The following ATP6V0A4 variants were observed in gnomAD, a reference collection of about 807,000 sequenced individuals.
The protein encoded by ATP6V0A4 is V-type proton ATPase 116 kDa subunit a 4.
ATP6V0A4 carries 86 observed loss-of-function variants against 107.3 expected under a neutral mutation model. The ratio of observed to expected loss-of-function variants is 0.80; its 90% CI spans 0.67 to 0.96. The LOEUF (loss-of-function observed/expected upper bound fraction) is 0.96, where lower values mean the gene tolerates loss of function less well. Ranked by LOEUF, ATP6V0A4 falls within the 40% of genes least tolerant of loss-of-function variation. The pLI is 0.00. For synonymous variants in ATP6V0A4, 353 were observed against 381.4 expected, an observed-to-expected ratio of 0.93 and a Z score of 0.87; for missense variants, 908 against 1,045.6, an observed-to-expected ratio of 0.87 and a Z score of 1.81.
intron 11 of ATP6V0A4, among the ~76,000 whole-genome samples, chr7:138,751,004 C>T (rs1307779540): frequency 6.6e-6 from 1 of 152,090 alleles, no homozygotes; most frequent in African/African-American, 2.4e-5. Context: ...CTGAAAAACC[C>T]TTCCTCCCGC....
At chr7:138,744,135 C>T (rs1805780877) in intron 14 of ATP6V0A4, among the ~76,000 whole-genome samples, 1 of 152,048 alleles carries the variant, frequency 6.6e-6, no homozygotes, top group Admixed American at 6.6e-5. Context: ...CTCTATTCTA[C>T]AGTACCCACA....
In ATP6V0A4 at chr7:138,760,027, T is replaced by C. The variant is rs938035544; in HGVS notation, c.513-149A>G. The C allele has an allele frequency of 1.2e-5, 17 of 1,413,392 alleles. No homozygotes were observed. The African/African-American group carries it at 1.8e-4, about 15-fold the overall frequency. 87.6% of individuals were successfully genotyped at this position (1,413,392 alleles called of 1,614,324 possible). On this transcript the variant is annotated intron_variant, in intron 7 of 21. Coordinates refer to ENST00000310018, the MANE Select transcript of ATP6V0A4 (RefSeq NM_020632.3). ...CCCGACACAGCTCTACCGACATGAG[T>C]CCCAAGGCCACCCCGCATCCAGCCC...
chr7:138,782,530 C>A (rs1451534947), intron 2 of ATP6V0A4, among the ~76,000 whole-genome samples: 3 of 152,136 alleles, frequency 2.0e-5, no homozygotes, highest in African/African-American at 7.2e-5. Context: ...GAGGTCCAAG[C>A]CTGAATACAG....
chr7:138,718,485 C>G (rs1435638784), intron 19 of ATP6V0A4, among the ~76,000 whole-genome samples: 4 of 110,420 alleles, frequency 3.6e-5, no homozygotes, highest in Non-Finnish European at 5.4e-5. Flanking sequence ...GGGGAGGGTG[C>G]AGTCACGGAG....
chr7:138,776,312 A>T lies in ATP6V0A4; in HGVS notation c.-17-5048T>A, dbSNP rs1563016461. Among the ~76,000 whole-genome samples the T allele has an allele frequency of 2.0e-5, 3 of 152,186 alleles. No homozygotes were observed. In the East Asian group the frequency reaches 5.8e-4, roughly 29 times the overall value. On this transcript the variant is annotated intron_variant, in intron 2 of 21. Coordinates refer to ENST00000310018, the MANE Select transcript of ATP6V0A4 (RefSeq NM_020632.3). ...CAGTGGAGGCCCAGCCCTCTGAGAG[A>T]GCACCTGCTCTGTACCCTGGAGGAA...
intron 2 of ATP6V0A4, among the ~76,000 whole-genome samples, chr7:138,779,273 G>A (rs116014228): frequency 0.025 from 3,823 of 151,896 alleles, 147 homozygotes; most frequent in African/African-American, 0.088. Flanking sequence ...CCTGAGCCTG[G>A]GGAGGTCGAG....
chr7:138,716,448 GAA>G (rs59175905), intron 19 of ATP6V0A4, among the ~76,000 whole-genome samples: 15 of 143,554 alleles, frequency 1.0e-4, no homozygotes, highest in African/African-American at 1.8e-4. Context: ...CAGCCTTAAA[GAA>G]AAAAAAAAAA....
chr7:138,759,849 C>T lies in ATP6V0A4; in HGVS notation c.542G>A (p.Arg181Lys). ...CAGTAACCGCTCAAAGGAAGCCATCCTCTCCCTGTTGATCACACCGGCTAT... is the reference window on the plus strand; with the variant it reads ...CAGTAACCGCTCAAAGGAAGCCATCTTCTCCCTGTTGATCACACCGGCTAT... ...GFIAGVINRE[R>K]MASFERLLWR... is the part of the protein sequence containing the mutation. Residue 181 changes from arginine (R) to lysine (K), a missense_variant, in exon 8 of 22, where the codon AGG becomes AAG. Physicochemically the swap from Arg to Lys is conservative, Grantham distance 26. Transcript: ENST00000310018. The T allele has an allele frequency of 6.2e-7, 1 of 1,614,094 alleles. No homozygotes were observed. The highest frequency in any genetic ancestry group is 1.1e-5 in the South Asian group (1 of 91,068).
chr7:138,781,263 T>C (rs1443313103), intron 2 of ATP6V0A4, among the ~76,000 whole-genome samples: 1 of 152,198 alleles, frequency 6.6e-6, no homozygotes, highest in African/African-American at 2.4e-5. Flanking sequence ...GAAAAAGGGA[T>C]TTGTTATACA....
At position 138,713,261 on chromosome 7, in the gene ATP6V0A4, C is replaced by T. The variant is rs183544277; in HGVS notation, c.2257+2503G>A. Among the ~76,000 whole-genome samples the T allele has an allele frequency of 4.0e-3, 585 of 144,948 alleles. 9 individuals are homozygous for T. The highest frequency in any genetic ancestry group is 0.014 in the African/African-American group (541 of 38,748). On this transcript the variant is annotated intron_variant, in intron 20 of 21. Transcript: ENST00000310018. ...CGGAGGTTGCAGTGAGCCGAGATCA[C>T]GCCACGGCACTCCAGCCTGAAAAAA...
chr7:138,795,178 A>G (rs556109560), intron 1 of ATP6V0A4, among the ~76,000 whole-genome samples: 185 of 152,344 alleles, frequency 1.2e-3, no homozygotes, highest in African/African-American at 4.4e-3. Context: ...CTGGGATTAC[A>G]GGCCTGAGCC....
chr7:138,737,115 A>AATATAT (rs1554394380), intron 15 of ATP6V0A4, among the ~76,000 whole-genome samples: 5 of 86,718 alleles, frequency 5.8e-5, no homozygotes, highest in African/African-American at 2.4e-4. Flanking sequence ...AGCCCTTATT[A>AATATAT]ATATATATAT....
intron 20 of ATP6V0A4, among the ~76,000 whole-genome samples, chr7:138,711,272 G>T (rs909116139): frequency 6.6e-6 from 1 of 152,152 alleles, no homozygotes; most frequent in Non-Finnish European, 1.5e-5. Flanking sequence ...GAAAAAACCC[G>T]GACTCGTAGC....
chr7:138,753,506 T>C (rs1156880838), intron 10 of ATP6V0A4, among the ~76,000 whole-genome samples: 1 of 152,170 alleles, frequency 6.6e-6, no homozygotes, highest in Non-Finnish European at 1.5e-5. Flanking sequence ...AAGAGATTAC[T>C]ACATCTACCA....
chr7:138,758,754 T>TTTTTC (rs1287024887), intron 8 of ATP6V0A4, among the ~76,000 whole-genome samples: 1 of 134,466 alleles, frequency 7.4e-6, no homozygotes, highest in East Asian at 2.2e-4. Context: ...TTTTTTTTTT[T>TTTTTC]TTTTTTTTTT....
chr7:138,709,618 C>G lies in ATP6V0A4; in HGVS notation c.2429+6G>C. Reference sequence around the variant, plus strand: ...CATTGAGCTTCCAGGGGACAACCATCCTTACCAGTGCAGTCGCAGGGCGTG... The same window carrying G: ...CATTGAGCTTCCAGGGGACAACCATGCTTACCAGTGCAGTCGCAGGGCGTG... On this transcript the variant is annotated splice_donor_region_variant and intron_variant, in intron 21 of 21. Coordinates refer to ENST00000310018, the MANE Select transcript of ATP6V0A4 (RefSeq NM_020632.3). The G allele has an allele frequency of 6.2e-7, 1 of 1,612,110 alleles. No homozygotes were observed. The highest frequency in any genetic ancestry group is 8.5e-7 in the Non-Finnish European group (1 of 1,178,858).
chr7:138,775,016 G>T (rs999062475), intron 2 of ATP6V0A4, among the ~76,000 whole-genome samples: 2 of 152,118 alleles, frequency 1.3e-5, no homozygotes, highest in African/African-American at 4.8e-5. Context: ...GCCCAGGGGT[G>T]CGGGGCTGCA....
intron 2 of ATP6V0A4, among the ~76,000 whole-genome samples, chr7:138,776,635 G>A (rs1248163024): frequency 6.6e-6 from 1 of 152,148 alleles, no homozygotes; most frequent in Non-Finnish European, 1.5e-5. Flanking sequence ...CAGTCAGCGG[G>A]TGGGGCCATA....
At chr7:138,755,652 G>T in intron 10 of ATP6V0A4, 37 bp downstream of exon 10, 2 of 1,612,128 alleles carry the variant, frequency 1.2e-6, no homozygotes, top group Non-Finnish European at 1.7e-6. Flanking sequence ...CCCTCCTGCA[G>T]CTGCCATCAG....
Sources: allele counts gnomAD v4.1 joint callset (sites outside exome capture counted in the v4.1 genomes callset), GRCh38; gene constraint gnomAD v4.1.1; transcripts MANE v1.5; gene names NCBI Gene and HGNC (gene_info 2026-07-23, HGNC 2026-07-21).